The following GRID1 variants were observed in gnomAD, a reference collection of about 807,000 sequenced individuals.
GRID1 encodes glutamate receptor ionotropic, delta-1.
GRID1 carries 28 observed loss-of-function variants against 98.0 expected under a neutral mutation model. The observed-to-expected ratio is 0.29, with a 90% CI of 0.21 to 0.39. GRID1 has a LOEUF of 0.39. Ranked by LOEUF, GRID1 falls within the 10% of genes least tolerant of loss-of-function variation. The pLI is 1.00. For synonymous variants in GRID1, 553 were observed against 538.5 expected (o/e 1.03, Z -0.37); for missense variants, 1,111 against 1,340.5 (o/e 0.83, Z 2.67).
intron 8 of GRID1, among the ~76,000 whole-genome samples, chr10:85,734,702 G>A (rs1255159988): frequency 6.6e-6 from 1 of 152,152 alleles, no homozygotes; most frequent in African/African-American, 2.4e-5. Flanking sequence ...AGTGCCCCAG[G>A]CTGAGTGAAT....
In GRID1 at chr10:85,675,225, G is replaced by A. The variant is rs557869420; in HGVS notation, c.1998-27828C>T. On this transcript the variant is annotated intron_variant, in intron 12 of 15. Coordinates refer to ENST00000327946, the MANE Select transcript of GRID1 (RefSeq NM_017551.3). Reference sequence around the variant, plus strand: ...CTGTCTGCTCTGGAGCTGCACACACGTGAGCTATGCAGCCAGGAGGGATTG... The same window carrying A: ...CTGTCTGCTCTGGAGCTGCACACACATGAGCTATGCAGCCAGGAGGGATTG... Among the ~76,000 whole-genome samples the A allele has an allele frequency of 3.9e-5, 6 of 152,336 alleles. No homozygotes were observed. In the East Asian group the frequency reaches 7.7e-4, roughly 20 times the overall value.
At chr10:85,873,891 C>G (rs1033064364) in intron 5 of GRID1, among the ~76,000 whole-genome samples, 1 of 152,222 alleles carries the variant, frequency 6.6e-6, no homozygotes, top group African/African-American at 2.4e-5. Context: ...TACTCACCAC[C>G]ATTTAATAAC....
chr10:85,873,003 G>GT (rs1309514254), intron 5 of GRID1, among the ~76,000 whole-genome samples: 8 of 152,292 alleles, frequency 5.3e-5, no homozygotes, highest in Admixed American at 4.6e-4. Context: ...TTCTCCTTGC[G>GT]TAAGTCCCAA....
intron 3 of GRID1, among the ~76,000 whole-genome samples, chr10:86,159,995 AC>A (rs1845298772): frequency 6.6e-6 from 1 of 152,006 alleles, no homozygotes; most frequent in South Asian, 2.1e-4. Flanking sequence ...CATCACCACC[AC>A]TACTACCACC....
chr10:86,220,364 G>T (rs1846235232), intron 2 of GRID1, among the ~76,000 whole-genome samples: 1 of 152,102 alleles, frequency 6.6e-6, no homozygotes, highest in South Asian at 2.1e-4. Flanking sequence ...TTACTGCTGT[G>T]GGCAAGTCAC....
At chr10:86,149,404 A>G (rs11201911) in intron 3 of GRID1, among the ~76,000 whole-genome samples, 26,481 of 152,230 alleles carry the variant, frequency 0.17, 3,525 homozygotes, top group African/African-American at 0.37. Context: ...GCACGTTCAC[A>G]TGGTGTGTTC....
At chr10:85,918,861 C>T (rs1405284127) in intron 4 of GRID1, among the ~76,000 whole-genome samples, 1 of 152,166 alleles carries the variant, frequency 6.6e-6, no homozygotes, top group African/African-American at 2.4e-5. Flanking sequence ...AGAAGGTTGA[C>T]CATTTGTGAG....
At chr10:86,150,769 T>C (rs1226912935) in intron 3 of GRID1, among the ~76,000 whole-genome samples, 2 of 152,192 alleles carry the variant, frequency 1.3e-5, no homozygotes, top group East Asian at 3.9e-4. Context: ...TTGGAATTAG[T>C]GGCCTTATAA....
chr10:85,619,747 T>A, intron 14 of GRID1, 120 bp downstream of exon 14: 1 of 759,852 alleles, frequency 1.3e-6, no homozygotes. Flanking sequence ...TAGTATGTGC[T>A]TGGGAAAATA....
intron 5 of GRID1, among the ~76,000 whole-genome samples, chr10:85,879,497 T>G (rs1461459445): frequency 6.6e-6 from 1 of 152,066 alleles, no homozygotes; most frequent in Non-Finnish European, 1.5e-5. Context: ...ACATGGAAAC[T>G]GAACAACCTG....
chr10:85,755,375 T>C (rs1343496184), intron 8 of GRID1, among the ~76,000 whole-genome samples: 1 of 152,204 alleles, frequency 6.6e-6, no homozygotes, highest in Admixed American at 6.5e-5. Flanking sequence ...GGCCTTTCTC[T>C]CCACGTGGTT....
intron 4 of GRID1, among the ~76,000 whole-genome samples, chr10:85,969,166 C>T (rs1389127773): frequency 6.6e-6 from 1 of 152,136 alleles, no homozygotes; most frequent in Non-Finnish European, 1.5e-5. Context: ...GTTCATCTAA[C>T]AATAGCACCC....
At chr10:85,857,805 C>G (rs562895871) in intron 6 of GRID1, among the ~76,000 whole-genome samples, 2 of 152,286 alleles carry the variant, frequency 1.3e-5, no homozygotes, top group South Asian at 2.1e-4. Flanking sequence ...AAAAGAACCC[C>G]TCCTCCCCCA....
intron 3 of GRID1, among the ~76,000 whole-genome samples, chr10:86,187,290 G>C (rs966076578): frequency 6.6e-6 from 1 of 152,214 alleles, no homozygotes; most frequent in Non-Finnish European, 1.5e-5. Flanking sequence ...GACAGGCACT[G>C]AGTGTTATTC....
intron 8 of GRID1, among the ~76,000 whole-genome samples, chr10:85,828,633 A>G (rs74696643): frequency 0.033 from 5,014 of 150,160 alleles, 126 homozygotes; most frequent in Non-Finnish European, 0.048. Context: ...ACTGAAATGC[A>G]AAAAAAAACC....
chr10:85,809,704 T>C (rs1189335058), intron 8 of GRID1, among the ~76,000 whole-genome samples: 1 of 151,662 alleles, frequency 6.6e-6, no homozygotes, highest in Non-Finnish European at 1.5e-5. Flanking sequence ...AACAAAGGAG[T>C]AGTGAAGTCA....
chr10:86,259,125 T>C (rs1846970463), intron 2 of GRID1, among the ~76,000 whole-genome samples: 1 of 152,246 alleles, frequency 6.6e-6, no homozygotes. Flanking sequence ...CAGGCCAACA[T>C]GTGCTGCCCA....
intron 3 of GRID1, among the ~76,000 whole-genome samples, chr10:86,169,262 G>A (rs998359388): frequency 1.3e-5 from 2 of 152,218 alleles, no homozygotes; most frequent in Non-Finnish European, 2.9e-5. Flanking sequence ...GATAGAGAAT[G>A]AGGCAAGTAC....
intron 4 of GRID1, among the ~76,000 whole-genome samples, chr10:86,060,272 G>C (rs1306184196): frequency 6.6e-6 from 1 of 152,122 alleles, no homozygotes; most frequent in Non-Finnish European, 1.5e-5. Flanking sequence ...ACTACAAGTT[G>C]ACCCCCTCCC....
Sources: allele counts gnomAD v4.1 joint callset (sites outside exome capture counted in the v4.1 genomes callset), GRCh38; gene constraint gnomAD v4.1.1; transcripts MANE v1.5; gene names NCBI Gene and HGNC (gene_info 2026-07-23, HGNC 2026-07-21).